The following MAP7 variants were observed in gnomAD, a reference collection of about 807,000 sequenced individuals.
The protein encoded by MAP7 is ensconsin.
A neutral mutation model predicts 94.8 loss-of-function variants in MAP7; 52 were observed. The ratio of observed to expected loss-of-function variants is 0.55; its 90% CI spans 0.44 to 0.69. The LOEUF (loss-of-function observed/expected upper bound fraction) is 0.69, where lower values mean the gene tolerates loss of function less well. Ranked by LOEUF, MAP7 falls within the 30% of genes least tolerant of loss-of-function variation. The probability of loss-of-function intolerance (pLI) is 0.00; values close to 1 mark genes in which losing one functional copy is unlikely to be tolerated. For synonymous variants in MAP7, 350 were observed against 357.0 expected (o/e 0.98, Z 0.22); for missense variants, 940 against 964.6 (o/e 0.97, Z 0.34).
intron 3 of MAP7, among the ~76,000 whole-genome samples, chr6:136,397,541 C>T (rs186876812): frequency 8.5e-6 from 1 of 117,006 alleles, no homozygotes; most frequent in East Asian, 3.0e-4. Flanking sequence ...GAAGCCCTAA[C>T]CCCCAAGGTA....
intron 1 of MAP7, among the ~76,000 whole-genome samples, chr6:136,472,574 C>T (rs968473831): frequency 6.6e-6 from 1 of 152,134 alleles, no homozygotes. Flanking sequence ...TCACTCATTG[C>T]TCCCAACCAC....
At chr6:136,481,964 C>A (rs957085803) in intron 1 of MAP7, among the ~76,000 whole-genome samples, 2 of 152,102 alleles carry the variant, frequency 1.3e-5, no homozygotes, top group African/African-American at 4.8e-5. Flanking sequence ...CATGGGAATT[C>A]TTTGTCCTAT....
intron 1 of MAP7, among the ~76,000 whole-genome samples, chr6:136,460,342 GGTGAAGAA>G (rs1291302315): frequency 2.0e-5 from 3 of 151,982 alleles, no homozygotes; most frequent in East Asian, 3.9e-4. Context: ...GCTGCATTAG[GGTGAAGAA>G]ATTATGGATG....
intron 1 of MAP7, among the ~76,000 whole-genome samples, chr6:136,537,589 T>C (rs576343145): frequency 6.6e-6 from 1 of 152,308 alleles, no homozygotes; most frequent in Non-Finnish European, 1.5e-5. Flanking sequence ...ATACAAAACT[T>C]ATTTTCAATA....
At chr6:136,534,191 T>C (rs1828700101) in intron 1 of MAP7, among the ~76,000 whole-genome samples, 1 of 152,152 alleles carries the variant, frequency 6.6e-6, no homozygotes, top group African/African-American at 2.4e-5. Context: ...AGAAATATAT[T>C]GTATATAAAG....
At chr6:136,449,560 C>T (rs1254931032) in intron 1 of MAP7, among the ~76,000 whole-genome samples, 1 of 152,202 alleles carries the variant, frequency 6.6e-6, no homozygotes. Flanking sequence ...ATGATTTGAA[C>T]AGCTGGCTGC....
At chr6:136,420,957 T>C (rs1057426758) in intron 2 of MAP7, among the ~76,000 whole-genome samples, 1 of 152,206 alleles carries the variant, frequency 6.6e-6, no homozygotes, top group Non-Finnish European at 1.5e-5. Flanking sequence ...ATGAAGTAGG[T>C]TTCCAAGAAC....
intron 1 of MAP7, among the ~76,000 whole-genome samples, chr6:136,498,479 G>A (rs1295215362): frequency 1.3e-5 from 2 of 152,040 alleles, no homozygotes; most frequent in African/African-American, 2.4e-5. Context: ...CAGTGCAGAC[G>A]CTGGTTCTAA....
intron 1 of MAP7, among the ~76,000 whole-genome samples, chr6:136,507,804 A>G (rs1822031988): frequency 6.6e-6 from 1 of 152,226 alleles, no homozygotes; most frequent in African/African-American, 2.4e-5. Flanking sequence ...TGAGGCACAG[A>G]AATTGTAAGT....
At chr6:136,385,390 G>A (rs1270269611) in intron 5 of MAP7, among the ~76,000 whole-genome samples, 1 of 152,222 alleles carries the variant, frequency 6.6e-6, no homozygotes. Flanking sequence ...GTGATGACAT[G>A]TGAGGTACAG....
At chr6:136,360,598 G>T in intron 13 of MAP7, 99 bp downstream of exon 13, 2 of 953,856 alleles carry the variant, frequency 2.1e-6, no homozygotes, top group Non-Finnish European at 1.6e-6. Context: ...TAGTTTATGT[G>T]GCAAGGGTAG....
intron 1 of MAP7, among the ~76,000 whole-genome samples, chr6:136,507,590 T>C (rs1356191750): frequency 2.0e-5 from 3 of 152,168 alleles, no homozygotes; most frequent in Non-Finnish European, 1.5e-5. Context: ...AGCAGAAATG[T>C]TGGTTTCTTA....
chr6:136,484,616 A>G (rs1166470849), intron 1 of MAP7, among the ~76,000 whole-genome samples: 9 of 152,356 alleles, frequency 5.9e-5, no homozygotes, highest in African/African-American at 1.4e-4. Flanking sequence ...GTACTTGAAT[A>G]TAGATATTTG....
intron 2 of MAP7, 36 bp from the exon 3 acceptor site, chr6:136,411,733 G>T: frequency 2.1e-6 from 3 of 1,423,930 alleles, no homozygotes; most frequent in Non-Finnish European, 2.8e-6. Flanking sequence ...GAGATGAAGA[G>T]TGGATTAAAA....
chr6:136,516,224 G>A (rs553206309), intron 1 of MAP7, among the ~76,000 whole-genome samples: 153 of 151,914 alleles, frequency 1.0e-3, no homozygotes, highest in Middle Eastern at 3.4e-3. Flanking sequence ...ATAGTGCTAC[G>A]ATCATGGCTC....
At chr6:136,362,372 C>T (rs952845034) in intron 11 of MAP7, 78 bp downstream of exon 11, 3 of 1,543,278 alleles carry the variant, frequency 1.9e-6, no homozygotes, top group African/African-American at 1.4e-5. Flanking sequence ...GTATTATCAC[C>T]TCCTCCCTCT....
At chr6:136,376,814 C>T (rs1047914329) in intron 7 of MAP7, among the ~76,000 whole-genome samples, 1 of 152,210 alleles carries the variant, frequency 6.6e-6, no homozygotes, top group African/African-American at 2.4e-5. Context: ...GATTTATTCG[C>T]TCATTGGGCA....
At chr6:136,413,550 A>T (rs1305083007) in intron 2 of MAP7, among the ~76,000 whole-genome samples, 1 of 152,036 alleles carries the variant, frequency 6.6e-6, no homozygotes, top group Non-Finnish European at 1.5e-5. Flanking sequence ...AGAAAAGAAA[A>T]TACAGTAGAG....
In MAP7 at chr6:136,550,291, C is replaced by G. The variant is rs1320718249; in HGVS notation, c.67+51G>C. The G allele has an allele frequency of 1.4e-6, 2 of 1,416,746 alleles. No homozygotes were observed. The highest frequency in any genetic ancestry group is 1.9e-6 in the Non-Finnish European group (2 of 1,080,380). 87.8% of individuals were successfully genotyped at this position (1,416,746 alleles called of 1,614,324 possible). ...TTTCGGTGCCAGCCCGCCGGCCCCG[C>G]TCGCCGTCCCCTGCCCGACGGGACC... On this transcript the variant is annotated intron_variant, in intron 1 of 17. Transcript: ENST00000354570. The surrounding 1 kb of genome is among the most constrained non-coding windows in gnomAD (Gnocchi z 5.1).
Sources: allele counts gnomAD v4.1 joint callset (sites outside exome capture counted in the v4.1 genomes callset), GRCh38; gene constraint gnomAD v4.1.1; non-coding constraint Gnocchi (gnomAD v3.1); transcripts MANE v1.5; gene names NCBI Gene and HGNC (gene_info 2026-07-23, HGNC 2026-07-21).